The following HMCN1 variants were observed in gnomAD, a reference collection of about 807,000 sequenced individuals.
HMCN1 encodes hemicentin-1.
A neutral mutation model predicts 625.9 loss-of-function variants in HMCN1; 321 were observed. The observed-to-expected ratio is 0.51, with a 90% CI of 0.47 to 0.56. HMCN1 has a LOEUF of 0.56. Ranked by LOEUF, HMCN1 falls within the 20% of genes least tolerant of loss-of-function variation. The probability of loss-of-function intolerance (pLI) is 0.00; values close to 1 mark genes in which losing one functional copy is unlikely to be tolerated. For synonymous variants in HMCN1, 2,425 were observed against 2,417.6 expected, an observed-to-expected ratio of 1.00 and a Z score of -0.09; for missense variants, 6,588 against 6,887.3, an observed-to-expected ratio of 0.96 and a Z score of 1.54.
At chr1:186,119,377 A>G (rs1661287455) in intron 78 of HMCN1, 79 bp downstream of exon 78, 1 of 1,037,836 alleles carries the variant, frequency 9.6e-7, no homozygotes, top group Non-Finnish European at 1.5e-6. Context: ...GAAAGGTGGT[A>G]GGTACTGTCG....
chr1:186,157,960 A>T (rs1280535702), intron 97 of HMCN1, among the ~76,000 whole-genome samples: 1 of 152,082 alleles, frequency 6.6e-6, no homozygotes, highest in Non-Finnish European at 1.5e-5. Context: ...ATACCCAGTA[A>T]TGGGATGGCT....
intron 69 of HMCN1, among the ~76,000 whole-genome samples, chr1:186,103,945 C>A (rs762167935): frequency 3.3e-5 from 5 of 152,128 alleles, no homozygotes; most frequent in Admixed American, 6.6e-5. Context: ...TCCCAAAGTT[C>A]TTAATTTATA....
intron 1 of HMCN1, among the ~76,000 whole-genome samples, chr1:185,742,490 A>G (rs1321553049): frequency 6.6e-6 from 1 of 152,136 alleles, no homozygotes; most frequent in Non-Finnish European, 1.5e-5. Context: ...TGAAACCATA[A>G]TGAATAGAAA....
chr1:186,009,333 T>A (rs1653841279), intron 30 of HMCN1, among the ~76,000 whole-genome samples: 1 of 152,236 alleles, frequency 6.6e-6, no homozygotes, highest in African/African-American at 2.4e-5. Flanking sequence ...TTAAACCTTC[T>A]GAGATTGTCT....
chr1:186,173,749 T>A (rs1291734341), intron 102 of HMCN1, among the ~76,000 whole-genome samples: 5 of 151,678 alleles, frequency 3.3e-5, no homozygotes, highest in Admixed American at 2.6e-4. Context: ...GCCCTAATTA[T>A]GTATAAGCTT....
Position 186,171,363 on chromosome 1 carries a change from C to T in HMCN1, c.15601C>T (p.Pro5201Ser), listed in dbSNP as rs1652220614. The T allele has an allele frequency of 6.2e-7, 1 of 1,613,338 alleles. No homozygotes were observed. The highest frequency in any genetic ancestry group is 1.7e-4 in the Middle Eastern group (1 of 6,054). ...QDINECQESS[P>S]CHQRCFNAIG... ...TATTAATGAATGTCAAGAATCCAGC[C>T]CCTGTCACCAGCGCTGTTTCAATGC... Residue 5201 changes from proline to serine, a missense_variant, in exon 101 of 107, where the codon CCC (proline) becomes TCC (serine). Coordinates refer to ENST00000271588, the MANE Select transcript of HMCN1 (RefSeq NM_031935.3).
intron 30 of HMCN1, among the ~76,000 whole-genome samples, chr1:186,013,492 G>A (rs1291684623): frequency 1.3e-5 from 2 of 152,072 alleles, no homozygotes; most frequent in South Asian, 2.1e-4. Flanking sequence ...TGTCAGTATG[G>A]ACTAGTTCTA....
At position 185,945,574 on chromosome 1, in the gene HMCN1, G is replaced by A. The variant is rs560322408; in HGVS notation, c.1828+11750G>A. 7.9e-5 allele frequency among the ~76,000 whole-genome samples: 12 copies of A among 152,296 alleles called. No homozygotes were observed. The South Asian group carries it at 2.5e-3, about 32-fold the overall frequency. On this transcript the variant is annotated intron_variant, in intron 11 of 106. Coordinates refer to ENST00000271588, the MANE Select transcript of HMCN1 (RefSeq NM_031935.3). ...ATACGATGTCATAAGAGCCATATTA[G>A]GGTGCTACCGGAGCTTTTAATTCTG...
chr1:185,985,409 T>C (rs1651941104), intron 19 of HMCN1, among the ~76,000 whole-genome samples: 1 of 152,142 alleles, frequency 6.6e-6, no homozygotes, highest in African/African-American at 2.4e-5. Context: ...TCATGTTATC[T>C]CTCTTTGACT....
At chr1:185,876,916 A>G (rs1663975381) in intron 4 of HMCN1, among the ~76,000 whole-genome samples, 1 of 151,910 alleles carries the variant, frequency 6.6e-6, no homozygotes, top group African/African-American at 2.4e-5. Flanking sequence ...ATTTTGTTTA[A>G]GTCCCATTTA....
intron 41 of HMCN1, 89 bp from the exon 42 acceptor site, chr1:186,048,654 A>G: frequency 1.2e-6 from 1 of 817,518 alleles, no homozygotes; most frequent in Non-Finnish European, 2.1e-6. Context: ...TCTTCAGAAT[A>G]AAAATAAGAA....
At chr1:185,948,387 G>C (rs1478064999) in intron 11 of HMCN1, among the ~76,000 whole-genome samples, 2 of 151,528 alleles carry the variant, frequency 1.3e-5, no homozygotes, top group African/African-American at 4.9e-5. Flanking sequence ...AGTCAGCAAA[G>C]GGAGATAGGG....
chr1:185,958,940 T>C (rs1443119480), intron 11 of HMCN1, among the ~76,000 whole-genome samples: 1 of 152,218 alleles, frequency 6.6e-6, no homozygotes, highest in Non-Finnish European at 1.5e-5. Context: ...ATGAACTGAC[T>C]ACTAGAAAGA....
In HMCN1 at chr1:185,797,965, C is replaced by CAAAAAAA. The variant is rs35031310; in HGVS notation, c.269-48036_269-48030dup. ...TGGGCGACAGAGCGAGACTCCGTCTCAAAAAAAAAAAAAAAAAAAAAAAAA... is the reference window on the plus strand; with the variant it reads ...TGGGCGACAGAGCGAGACTCCGTCTCAAAAAAAAAAAAAAAAAAAAAAAAAAAAAAAA... On this transcript the variant is annotated intron_variant, in intron 1 of 106. Coordinates refer to ENST00000271588, the MANE Select transcript of HMCN1 (RefSeq NM_031935.3). 4.4e-4 allele frequency among the ~76,000 whole-genome samples: 6 copies of CAAAAAAA among 13,664 alleles called. 1 individual carries two copies. The East Asian group carries it at 8.0e-3, about 18-fold the overall frequency. The allele number at this position is 13,664 out of a possible 152,430, so 9.0% of individuals were successfully genotyped here.
At position 185,970,643 on chromosome 1, in the gene HMCN1, C is replaced by T; in HGVS notation, c.2371+150C>T. 7.0e-6 allele frequency: 5 copies of T among 710,336 alleles called. 1 individual carries two copies. Among genetic ancestry groups the T allele is most frequent in the Non-Finnish European group, 1.2e-5 (5 of 404,714 alleles). 44.0% of individuals were successfully genotyped at this position (710,336 alleles called of 1,614,324 possible). On this transcript the variant is annotated intron_variant, in intron 15 of 106. Transcript: ENST00000271588. ...AGATTAATAGAATAACAGTAGTTAG[C>T]ATTTACTAGGTGCTTTCTTTCTTTT...
Position 186,058,864 on chromosome 1 carries a change from G to A in HMCN1, c.7312+1463G>A, listed in dbSNP as rs190812812. 6.8e-4 allele frequency among the ~76,000 whole-genome samples: 103 copies of A among 151,944 alleles called. No homozygotes were observed. In the East Asian group the frequency reaches 9.5e-3, roughly 14 times the overall value. On this transcript the variant is annotated intron_variant, in intron 46 of 106. Coordinates refer to ENST00000271588, the MANE Select transcript of HMCN1 (RefSeq NM_031935.3). ...ACCTAAGTTCCCCCTGTTTCTTCCC[G>A]ATCTTGGTTTATAACTGATAGGAGC...
intron 93 of HMCN1, among the ~76,000 whole-genome samples, chr1:186,150,100 C>T (rs1032370873): frequency 1.3e-5 from 2 of 151,476 alleles, no homozygotes; most frequent in African/African-American, 2.4e-5. Flanking sequence ...GGTAGACTTT[C>T]TCATCACACG....
chr1:185,947,951 G>A (rs1310181991), intron 11 of HMCN1, among the ~76,000 whole-genome samples: 2 of 152,154 alleles, frequency 1.3e-5, no homozygotes, highest in African/African-American at 2.4e-5. Context: ...TCCCTAATCA[G>A]AAATGAAAAT....
At position 186,178,697 on chromosome 1, in the gene HMCN1, T is replaced by C; in HGVS notation, c.16225T>C (p.Ser5409Pro). The C allele has an allele frequency of 6.2e-7, 1 of 1,614,116 alleles. No individual in the cohort carries two copies. Among genetic ancestry groups the C allele is most frequent in the Non-Finnish European group, 8.5e-7 (1 of 1,179,944 alleles). The change falls in exon 104 of 107, where the codon TCC (serine) becomes CCC (proline). Residue 5409 changes from serine (S) to proline (P), a missense_variant. Ser to Pro is a moderately conservative substitution (Grantham distance 74). Around this residue, in one of 3 missense-constraint regions of HMCN1, gnomAD observed 1,954 missense variants for 2,013.1 expected, o/e 0.97. Coordinates refer to ENST00000271588, the MANE Select transcript of HMCN1 (RefSeq NM_031935.3). The part of the protein sequence containing the change: ...SEYRNSRTSL[S>P]RTRRTIRKTC... ...GTATAGAAACAGCAGAACATCTCTC[T>C]CCAGGACTAGAAGGACTATTAGGAA...
Sources: allele counts gnomAD v4.1 joint callset (sites outside exome capture counted in the v4.1 genomes callset), GRCh38; gene constraint gnomAD v4.1.1; regional missense constraint gnomAD v4.1.1; transcripts MANE v1.5; gene names NCBI Gene and HGNC (gene_info 2026-07-23, HGNC 2026-07-21).